The following HDAC9 variants were observed in gnomAD, a reference collection of about 807,000 sequenced individuals.
The protein encoded by HDAC9 is histone deacetylase 9.
HDAC9 carries 41 observed loss-of-function variants against 139.4 expected under a neutral mutation model. That is an observed-to-expected ratio of 0.29 (90% CI 0.23 to 0.38). The LOEUF (loss-of-function observed/expected upper bound fraction) is 0.38, where lower values mean the gene tolerates loss of function less well. HDAC9 is among the 10% of genes least tolerant of loss of function. HDAC9 has a pLI of 1.00. For synonymous variants in HDAC9, 517 were observed against 476.2 expected, an observed-to-expected ratio of 1.09 and a Z score of -1.12; for missense variants, 1,147 against 1,297.0, an observed-to-expected ratio of 0.88 and a Z score of 1.78.
chr7:18,332,946 GTA>G (rs1272474252), intron 1 of HDAC9, among the ~76,000 whole-genome samples: 5 of 151,460 alleles, frequency 3.3e-5, no homozygotes, highest in African/African-American at 7.3e-5. Context: ...CCTTCTCAGA[GTA>G]TTTACTAAAG....
At chr7:18,444,856 A>G (rs898204467) in intron 1 of HDAC9, among the ~76,000 whole-genome samples, 3 of 152,222 alleles carry the variant, frequency 2.0e-5, no homozygotes, top group Non-Finnish European at 2.9e-5. Context: ...TACCATTACC[A>G]TCAAGCTATT....
chr7:18,756,936 G>A (rs1788933620), intron 14 of HDAC9, among the ~76,000 whole-genome samples: 1 of 151,888 alleles, frequency 6.6e-6, no homozygotes, highest in Non-Finnish European at 1.5e-5. Flanking sequence ...GAGGAGGGTT[G>A]TGTGGAAGAT....
intron 2 of HDAC9, among the ~76,000 whole-genome samples, chr7:18,224,788 TA>T (rs1792941450): frequency 6.6e-6 from 1 of 152,110 alleles, no homozygotes; most frequent in African/African-American, 2.4e-5. Context: ...TATGAGGATG[TA>T]AAGTAATTAC....
chr7:18,735,238 A>T (rs1402498956), intron 13 of HDAC9, among the ~76,000 whole-genome samples: 1 of 152,168 alleles, frequency 6.6e-6, no homozygotes, highest in Non-Finnish European at 1.5e-5. Context: ...TTTTTAGCTT[A>T]ATTAGATCCC....
chr7:18,145,462 A>G (rs1411487037), intron 1 of HDAC9, among the ~76,000 whole-genome samples: 1 of 152,204 alleles, frequency 6.6e-6, no homozygotes, highest in African/African-American at 2.4e-5. Context: ...TACTAAGTTA[A>G]CAGCATTTGG....
At chr7:18,811,631 T>G (rs990066778) in intron 17 of HDAC9, among the ~76,000 whole-genome samples, 4 of 152,020 alleles carry the variant, frequency 2.6e-5, no homozygotes, top group Non-Finnish European at 5.9e-5. Context: ...TTATTGATAT[T>G]TATAATGGTA....
rs1171055959 is a variant in HDAC9, at chr7:18,946,036, C to CA, written c.2938-8072dup. 5.5e-3 allele frequency among the ~76,000 whole-genome samples: 210 copies of CA among 38,274 alleles called. 42 individuals are homozygous for CA. The highest frequency in any genetic ancestry group is 0.017 in the East Asian group (12 of 686). The allele number at this position is 38,274 out of a possible 152,430, so 25.1% of individuals were successfully genotyped here. A position where few individuals can be genotyped will look rare whatever the true frequency, so the allele number is the denominator to read the frequency against. ...TGGGTGATAGTACAAGACTCCGTCT[C>CA]AAAAAAAAAAAAAAAAAAAAAAAAA... On this transcript the variant is annotated intron_variant, in intron 23 of 25. Transcript: ENST00000686413.
chr7:18,829,935 T>G (rs903351362), intron 19 of HDAC9, among the ~76,000 whole-genome samples: 2 of 151,200 alleles, frequency 1.3e-5, no homozygotes, highest in Admixed American at 6.6e-5. Context: ...CACTTCCCCC[T>G]GGTTAGAAAT....
At chr7:18,117,354 T>C (rs972223008) in intron 1 of HDAC9, among the ~76,000 whole-genome samples, 13 of 151,738 alleles carry the variant, frequency 8.6e-5, no homozygotes, top group South Asian at 2.1e-4. Flanking sequence ...GGCGTGGTGG[T>C]GGGCGCCTGT....
chr7:18,102,574 A>G (rs990445156), intron 1 of HDAC9, among the ~76,000 whole-genome samples: 15 of 152,204 alleles, frequency 9.9e-5, no homozygotes, highest in African/African-American at 3.6e-4. Context: ...AATTTTAAGA[A>G]TAGAATCTTG....
intron 7 of HDAC9, among the ~76,000 whole-genome samples, chr7:18,634,226 C>A (rs1783196522): frequency 6.6e-6 from 1 of 151,922 alleles, no homozygotes; most frequent in Non-Finnish European, 1.5e-5. Flanking sequence ...TGGGTCTGAA[C>A]CTCATGGGTT....
At chr7:18,191,412 C>A (rs1584550391) in intron 2 of HDAC9, among the ~76,000 whole-genome samples, 1 of 152,270 alleles carries the variant, frequency 6.6e-6, no homozygotes, top group East Asian at 1.9e-4. Flanking sequence ...TCTTATCACT[C>A]TGTATCATAA....
intron 2 of HDAC9, among the ~76,000 whole-genome samples, chr7:18,550,449 C>T (rs1370914081): frequency 6.6e-6 from 1 of 152,004 alleles, no homozygotes; most frequent in East Asian, 1.9e-4. Flanking sequence ...GTCAACACAA[C>T]AGATAAAAAA....
intron 25 of HDAC9, among the ~76,000 whole-genome samples, chr7:18,984,616 G>A (rs769300728): frequency 5.9e-5 from 9 of 152,072 alleles, no homozygotes; most frequent in Non-Finnish European, 1.0e-4. Flanking sequence ...AAAACCTAGT[G>A]TAGATAAATT....
chr7:18,991,652 AAAAG>A (rs1238306237), intron 25 of HDAC9, among the ~76,000 whole-genome samples: 5 of 152,144 alleles, frequency 3.3e-5, no homozygotes, highest in African/African-American at 1.2e-4. Flanking sequence ...AAAAAAAAAA[AAAAG>A]AAGTCATCAG....
intron 2 of HDAC9, among the ~76,000 whole-genome samples, chr7:18,512,478 C>G (rs1801822448): frequency 6.6e-6 from 1 of 152,058 alleles, no homozygotes; most frequent in South Asian, 2.1e-4. Flanking sequence ...TATAAGAAAA[C>G]TTGATCAGAT....
rs551533210 is a variant in HDAC9, at chr7:18,512,634, A to G, written c.22+16310A>G. Reference sequence around the variant, plus strand: ...AGTATTAAGTCAGATACACTAAGTGATGTATAACAAGAAGTAAATCTTATT... The same window carrying G: ...AGTATTAAGTCAGATACACTAAGTGGTGTATAACAAGAAGTAAATCTTATT... On this transcript the variant is annotated intron_variant, in intron 2 of 25. Coordinates refer to ENST00000686413, the MANE Select transcript of HDAC9 (RefSeq NM_178425.4). Among the ~76,000 whole-genome samples the G allele has an allele frequency of 4.1e-4, 62 of 152,346 alleles. 1 individual carries two copies. The highest frequency in any genetic ancestry group is 1.5e-3 in the African/African-American group (61 of 41,586).
intron 1 of HDAC9, among the ~76,000 whole-genome samples, chr7:18,432,893 G>C (rs914380375): frequency 2.0e-5 from 3 of 151,668 alleles, no homozygotes; most frequent in African/African-American, 7.3e-5. Context: ...GGAGCTTGCA[G>C]TGAGCCGAGA....
chr7:18,291,346 A>G (rs1797795979), intron 1 of HDAC9, among the ~76,000 whole-genome samples: 1 of 152,072 alleles, frequency 6.6e-6, no homozygotes, highest in Non-Finnish European at 1.5e-5. Context: ...TTTGGGGTCA[A>G]ATTTGGTTCT....
Sources: gnomAD v4.1 joint callset for allele counts (sites outside exome capture counted in the v4.1 genomes callset) on GRCh38, gnomAD v4.1.1 for gene constraint, MANE v1.5 for transcripts, NCBI Gene and HGNC (gene_info 2026-07-23, HGNC 2026-07-21) for gene names.